Variants in CEP192 observed in about 807,000 individuals in gnomAD.
CEP192 encodes the protein centrosomal protein 192, also known as centrosomal protein of 192 kDa.
CEP192 carries 151 observed loss-of-function variants against 271.8 expected under a neutral mutation model. That is an observed-to-expected ratio of 0.56 (90% CI 0.49 to 0.64). The LOEUF is 0.64. CEP192 is among the 30% of genes least tolerant of loss of function. CEP192 has a pLI of 0.00. For missense variants in CEP192, 2,910 were observed against 3,020.5 expected (o/e 0.96, Z 0.86); for synonymous variants, 995 against 1,076.5 (o/e 0.92, Z 1.48).
At chr18:13,103,015 A>T (rs1256798518) in intron 38 of CEP192, among the ~76,000 whole-genome samples, 1 of 151,924 alleles carries the variant, frequency 6.6e-6, no homozygotes, top group Non-Finnish European at 1.5e-5. Flanking sequence ...GTTATTTCTG[A>T]TTTATCTTCT....
At chr18:13,052,820 G>A in intron 17 of CEP192, 99 bp from the exon 18 acceptor site, 3 of 828,988 alleles carry the variant, frequency 3.6e-6, no homozygotes, top group South Asian at 3.0e-5. Flanking sequence ...TTGTGGTTGA[G>A]TCATTTGCAA....
intron 4 of CEP192, 98 bp downstream of exon 4, chr18:13,008,729 G>A: frequency 1.1e-6 from 1 of 948,724 alleles, no homozygotes; most frequent in Non-Finnish European, 1.5e-6. Context: ...TTGAGGCAGG[G>A]TCGCACTCCT....
intron 11 of CEP192, among the ~76,000 whole-genome samples, chr18:13,034,120 G>A (rs977608660): frequency 2.6e-5 from 4 of 152,008 alleles, no homozygotes; most frequent in Admixed American, 2.6e-4. Flanking sequence ...ATTATTAGAT[G>A]TATTACTATT....
At chr18:13,051,692 C>T (rs374108908) in intron 17 of CEP192, among the ~76,000 whole-genome samples, 5 of 152,098 alleles carry the variant, frequency 3.3e-5, no homozygotes, top group South Asian at 4.2e-4. Flanking sequence ...TACAGGTGCC[C>T]GCCACCATGC....
In CEP192 at chr18:13,019,101, A is replaced by C; in HGVS notation, c.945A>C (p.Gly315=). ...LPGTSNSIGT[G]DSRRYTDGML... is the part of the protein sequence containing the mutation. ...TTTCAGGTAATTCTATAGGTACTGG[A>C]GATAGTAGAAGGTACACAGATGGTA... Residue 315 remains glycine, a synonymous_variant, in exon 9 of 45, where the codon GGA becomes GGC. Transcript: ENST00000506447. The C allele has an allele frequency of 6.5e-7, 1 of 1,539,268 alleles. No homozygotes were observed. The highest frequency in any genetic ancestry group is 8.8e-7 in the Non-Finnish European group (1 of 1,142,534).
chr18:13,073,301 T>G, intron 30 of CEP192, 116 bp downstream of exon 30: 1 of 932,520 alleles, frequency 1.1e-6, no homozygotes, highest in Non-Finnish European at 1.6e-6. Context: ...TGTAATTATC[T>G]AGACTTACAA....
intron 17 of CEP192, among the ~76,000 whole-genome samples, chr18:13,052,186 G>GAT (rs1293142939): frequency 6.6e-6 from 1 of 152,188 alleles, no homozygotes; most frequent in African/African-American, 2.4e-5. Context: ...TGTGCAGATA[G>GAT]ATGTGAGACT....
chr18:13,083,328 G>C (rs945818530), intron 30 of CEP192, among the ~76,000 whole-genome samples: 1 of 151,748 alleles, frequency 6.6e-6, no homozygotes, highest in Non-Finnish European at 1.5e-5. Context: ...TTTACTTTTT[G>C]TCCTAAACTT....
chr18:13,069,714 T>C, intron 26 of CEP192, 24 bp from the exon 27 acceptor site: 1 of 1,358,174 alleles, frequency 7.4e-7, no homozygotes, highest in Non-Finnish European at 1.0e-6. Context: ...CGGCATTCAA[T>C]TATGATTATG....
chr18:13,056,490 A>G lies in CEP192; in HGVS notation c.3900A>G (p.Ala1300=). 3 of 1,614,206 alleles carry G rather than the reference A, an allele frequency of 1.9e-6. No homozygotes were observed. The highest frequency in any genetic ancestry group is 1.3e-5 in the African/African-American group (1 of 75,074). Reference sequence around the variant, plus strand: ...GAGGCCTTCCCTATCCAGCTGTTGCAGGAGAGCCTGTGCAGAACTCTGTGG... The same window carrying G: ...GAGGCCTTCCCTATCCAGCTGTTGCGGGAGAGCCTGTGCAGAACTCTGTGG... ...FSGGLPYPAV[A]GEPVQNSVAV... The change falls in exon 19 of 45, where the codon GCA becomes GCG. Residue 1300 remains alanine, a synonymous_variant. Transcript: ENST00000506447.
intron 30 of CEP192, among the ~76,000 whole-genome samples, chr18:13,085,252 T>A (rs1449356882): frequency 6.6e-6 from 1 of 152,206 alleles, no homozygotes; most frequent in Non-Finnish European, 1.5e-5. Flanking sequence ...TTTTTTTTCT[T>A]GTAAATTTGT....
intron 6 of CEP192, among the ~76,000 whole-genome samples, 200 bp from the exon 7 acceptor site, chr18:13,016,988 T>C (rs542149302): frequency 6.6e-6 from 1 of 152,312 alleles, no homozygotes; most frequent in East Asian, 1.9e-4. Flanking sequence ...CTCAAAGAGG[T>C]TAAATATTTA....
In CEP192 at chr18:13,056,259, C is replaced by T. The variant is rs760499077; in HGVS notation, c.3669C>T (p.Asn1223=). 6.2e-7 allele frequency: 1 copy of T among 1,613,646 alleles called. No homozygotes were observed. Among genetic ancestry groups the T allele is most frequent in the South Asian group, 1.1e-5 (1 of 90,972 alleles). Residue 1223 remains asparagine, a synonymous_variant, in exon 19 of 45, where the codon AAC becomes AAT. Transcript: ENST00000506447. ...GQVSHQTTSE[N]QCTPIPSSTV... is the part of the protein sequence containing the mutation. ...TTTCTCATCAGACCACCTCTGAAAA[C>T]CAGTGTACTCCTATTCCCAGCAGCA...
At chr18:13,071,866 A>G (rs1370119173) in intron 28 of CEP192, among the ~76,000 whole-genome samples, 1 of 152,208 alleles carries the variant, frequency 6.6e-6, no homozygotes, top group Non-Finnish European at 1.5e-5. Context: ...GAGTACATTT[A>G]ACTGATGATA....
intron 3 of CEP192, among the ~76,000 whole-genome samples, chr18:13,007,195 A>G (rs565655099): frequency 2.2e-4 from 34 of 152,140 alleles, no homozygotes; most frequent in Admixed American, 1.2e-3. Flanking sequence ...GTGGGTTAGG[A>G]CTGGTAGTTC....
At chr18:12,995,084 C>T (rs1168181891) in intron 1 of CEP192, among the ~76,000 whole-genome samples, 3 of 115,016 alleles carry the variant, frequency 2.6e-5, no homozygotes, top group Admixed American at 1.2e-4. Context: ...TTTTTTGAGA[C>T]GGAGTCTCGC....
intron 9 of CEP192, among the ~76,000 whole-genome samples, 175 bp downstream of exon 9, chr18:13,019,381 T>C (rs1599085924): frequency 1.3e-5 from 2 of 152,214 alleles, no homozygotes; most frequent in South Asian, 4.1e-4. Context: ...TACAATTATA[T>C]ACATTTTCTT....
At position 13,087,220 on chromosome 18, in the gene CEP192, T is replaced by C; in HGVS notation, c.5820T>C (p.Asp1940=). 1 of 1,613,272 alleles carries C rather than the reference T, an allele frequency of 6.2e-7. No individual in the cohort carries two copies. Among genetic ancestry groups the C allele is most frequent in the Non-Finnish European group, 8.5e-7 (1 of 1,179,268 alleles). Reference sequence around the variant, plus strand: ...ATTCTCAGAAAAAAGTTTTGCTGGATCCTAAAGTATTGAGGATTTTTCCAG... The same window carrying C: ...ATTCTCAGAAAAAAGTTTTGCTGGACCCTAAAGTATTGAGGATTTTTCCAG... The part of the protein sequence containing the change: ...FKDSQKKVLL[D]PKVLRIFPDK... Residue 1940 remains aspartate, a synonymous_variant, in exon 31 of 45, where the codon GAT becomes GAC. Transcript: ENST00000506447.
chr18:13,066,963 CTGTGTGTGTGTGTGTG>C (rs56795701), intron 21 of CEP192, among the ~76,000 whole-genome samples: 15 of 143,512 alleles, frequency 1.0e-4, no homozygotes, highest in African/African-American at 2.1e-4. Context: ...GTGAGCACGT[CTGTGTGTGTGTGTGTG>C]TGTGTGTGTG....
Sources: gnomAD v4.1 joint callset for allele counts (sites outside exome capture counted in the v4.1 genomes callset) on GRCh38, gnomAD v4.1.1 for gene constraint, MANE v1.5 for transcripts, NCBI Gene and HGNC (gene_info 2026-07-23, HGNC 2026-07-21) for gene names.